ABL2: variants seen among roughly 807,000 people sequenced by gnomAD.
ABL2 encodes ABL proto-oncogene 2, non-receptor tyrosine kinase.
A neutral mutation model predicts 107.7 loss-of-function variants in ABL2; 49 were observed. The ratio of observed to expected loss-of-function variants is 0.45; its 90% CI spans 0.36 to 0.58. The LOEUF (loss-of-function observed/expected upper bound fraction) is 0.58, where lower values mean the gene tolerates loss of function less well. ABL2 is among the 20% of genes least tolerant of loss of function. The pLI is 0.00. For missense variants in ABL2, 1,245 were observed against 1,457.0 expected (o/e 0.85, Z 2.37); for synonymous variants, 549 against 548.6 (o/e 1.00, Z -0.01).
At chr1:179,184,768 T>A (rs1248297331) in intron 1 of ABL2, among the ~76,000 whole-genome samples, 1 of 152,300 alleles carries the variant, frequency 6.6e-6, no homozygotes, top group Admixed American at 6.5e-5. Context: ...CAGTCTTTTT[T>A]TTCCCCCTCT....
In ABL2 at chr1:179,115,002, A is replaced by T; in HGVS notation, c.1437T>A (p.Ala479=). 6.2e-7 allele frequency: 1 copy of T among 1,608,486 alleles called. No individual in the cohort carries two copies. The highest frequency in any genetic ancestry group is 8.5e-7 in the Non-Finnish European group (1 of 1,177,970). ...WAFGVLLWEI[A]TYGMSPYPGI... ...CTGGATATGGTGACATTCCATAGGT[A>T]GCAATTTCCCACAACAATACCCCAA... Residue 479 remains alanine (A), a synonymous_variant, in exon 9 of 12, where the codon GCT becomes GCA. Transcript: ENST00000502732.
At chr1:179,150,426 G>A (rs1170987536) in intron 1 of ABL2, among the ~76,000 whole-genome samples, 2 of 152,174 alleles carry the variant, frequency 1.3e-5, no homozygotes, top group Non-Finnish European at 2.9e-5. Context: ...CAATCTTCAT[G>A]CATAACTTTG....
chr1:179,102,652 T>C lies in ABL2; in HGVS notation c.*5066A>G, dbSNP rs1342323223. On this transcript the variant is annotated 3_prime_UTR_variant, in exon 12 of 12. Coordinates refer to ENST00000502732, the MANE Select transcript of ABL2 (RefSeq NM_007314.4). ...CAAAAATCAAGAACAAAAATATAGA[T>C]AACCCTGTCAACCCAATATGAACTC... 4.4e-6 allele frequency: 1 copy of C among 229,446 alleles called. No homozygotes were observed. Among genetic ancestry groups the C allele is most frequent in the African/African-American group, 2.2e-5 (1 of 45,112 alleles). 14.2% of individuals were successfully genotyped at this position (229,446 alleles called of 1,614,324 possible). A position where few individuals can be genotyped will look rare whatever the true frequency, so the allele number is the denominator to read the frequency against.
At chr1:179,123,413 G>C (rs1438846851) in intron 4 of ABL2, among the ~76,000 whole-genome samples, 3 of 152,076 alleles carry the variant, frequency 2.0e-5, no homozygotes, top group Non-Finnish European at 4.4e-5. Context: ...GCTGAGGTGG[G>C]AGGATTGCTT....
intron 1 of ABL2, chr1:179,222,237 T>C (rs535686924): frequency 6.6e-6 from 1 of 152,532 alleles, no homozygotes; most frequent in Admixed American, 6.5e-5. Flanking sequence ...ACTTAACTTT[T>C]TTTTCTTTTG....
chr1:179,222,395 A>C (rs1227161283), intron 1 of ABL2, among the ~76,000 whole-genome samples: 1 of 151,132 alleles, frequency 6.6e-6, no homozygotes, highest in African/African-American at 2.4e-5. Flanking sequence ...ATGCCTGGCT[A>C]ATTTTTTTTT....
chr1:179,180,052 G>A (rs1175262808), intron 1 of ABL2, among the ~76,000 whole-genome samples: 1 of 151,766 alleles, frequency 6.6e-6, no homozygotes, highest in African/African-American at 2.4e-5. Context: ...GGTTGAGGCT[G>A]CAGTGAGCCA....
intron 1 of ABL2, among the ~76,000 whole-genome samples, chr1:179,223,308 C>CAGA (rs1223347617): frequency 1.3e-5 from 2 of 150,518 alleles, no homozygotes; most frequent in Admixed American, 1.3e-4. Context: ...CCCAGCTACC[C>CAGA]AGAAGGCTGA....
chr1:179,219,564 T>C (rs947101625), intron 1 of ABL2, among the ~76,000 whole-genome samples: 1 of 152,210 alleles, frequency 6.6e-6, no homozygotes, highest in Non-Finnish European at 1.5e-5. Context: ...AGTTCTTTGA[T>C]GGAAGAAAAA....
chr1:179,197,427 T>C (rs1267042030), intron 1 of ABL2, among the ~76,000 whole-genome samples: 1 of 151,974 alleles, frequency 6.6e-6, no homozygotes, highest in Non-Finnish European at 1.5e-5. Flanking sequence ...CAACTAAACC[T>C]GCTATGACTT....
At chr1:179,111,304 G>A (rs1380296978) in intron 10 of ABL2, among the ~76,000 whole-genome samples, 1 of 18,100 alleles carries the variant, frequency 5.5e-5, no homozygotes, top group South Asian at 1.4e-3. Flanking sequence ...TTTTTTTTTT[G>A]ACAGGGAGTC....
intron 1 of ABL2, among the ~76,000 whole-genome samples, chr1:179,175,577 C>T (rs1368026131): frequency 1.3e-5 from 2 of 152,214 alleles, no homozygotes; most frequent in Non-Finnish European, 2.9e-5. Context: ...AAATGAGCTA[C>T]TTTCGGGGTA....
intron 1 of ABL2, among the ~76,000 whole-genome samples, chr1:179,214,701 A>G (rs971478504): frequency 1.3e-5 from 2 of 151,958 alleles, no homozygotes; most frequent in Non-Finnish European, 1.5e-5. Context: ...GAAAAAACAC[A>G]GGAAAGATGG....
chr1:179,225,940 A>G (rs1301993931), intron 1 of ABL2, among the ~76,000 whole-genome samples: 1 of 145,272 alleles, frequency 6.9e-6, no homozygotes, highest in Non-Finnish European at 1.5e-5. Context: ...GCTGCTCGGG[A>G]GGCTGAGGCA....
chr1:179,126,476 C>T lies in ABL2; in HGVS notation c.588G>A (p.Leu196=). 2 of 1,614,176 alleles carry T rather than the reference C, an allele frequency of 1.2e-6. No individual in the cohort carries two copies. Among genetic ancestry groups the T allele is most frequent in the Non-Finnish European group, 1.7e-6 (2 of 1,180,036 alleles). ...LLSSLINGSF[L]VRESESSPGQ... ...CAGGGCTACTCTCACTTTCTCGCAC[C>T]AGGAAGCTGCCATTGATTAGACTGC... The change falls in exon 4 of 12, where the codon CTG becomes CTA. Residue 196 remains leucine, a synonymous_variant. Coordinates refer to ENST00000502732, the MANE Select transcript of ABL2 (RefSeq NM_007314.4). The surrounding 1 kb of genome is among the most constrained non-coding windows in gnomAD (Gnocchi z 4.4).
intron 1 of ABL2, among the ~76,000 whole-genome samples, chr1:179,135,799 C>T (rs1656875478): frequency 1.4e-5 from 2 of 144,714 alleles, no homozygotes; most frequent in Admixed American, 6.7e-5. Flanking sequence ...CCCCGCCCGG[C>T]CAGCCGCCCC....
intron 1 of ABL2, chr1:179,196,516 C>T (rs1661317311): frequency 6.6e-6 from 1 of 152,164 alleles, no homozygotes; most frequent in Non-Finnish European, 1.5e-5. Flanking sequence ...CAGTGACCCT[C>T]TCAGGAAGTA....
rs532042158 is a variant in ABL2 at position 179,130,810 on chromosome 1, A to G, written c.391+501T>C. ...GGCAAAAAAAAGTAACTTTTATGAG[A>G]AAGAAATAGGATTATGGGGAGATTA... On this transcript the variant is annotated intron_variant, in intron 3 of 11. Transcript: ENST00000502732. 4.6e-5 allele frequency among the ~76,000 whole-genome samples: 7 copies of G among 152,068 alleles called. No individual in the cohort carries two copies. The East Asian group carries it at 1.2e-3, about 25-fold the overall frequency.
chr1:179,120,470 C>T (rs1308431003), intron 5 of ABL2, among the ~76,000 whole-genome samples, 196 bp from the exon 6 acceptor site: 2 of 152,024 alleles, frequency 1.3e-5, no homozygotes, highest in Non-Finnish European at 1.5e-5. Flanking sequence ...CGCTCTGTTA[C>T]CCAGGTTGGG....
Sources: gnomAD v4.1 joint callset for allele counts (sites outside exome capture counted in the v4.1 genomes callset) on GRCh38, gnomAD v4.1.1 for gene constraint, Gnocchi (gnomAD v3.1) non-coding constraint, MANE v1.5 for transcripts, NCBI Gene and HGNC (gene_info 2026-07-23, HGNC 2026-07-21) for gene names.